The following MDFIC2 variants were observed in gnomAD, a reference collection of about 807,000 sequenced individuals.
MDFIC2 encodes MyoD family inhibitor domain containing 2.
chr3:70,286,547 T>G (rs958826903), intron 2 of MDFIC2, among the ~76,000 whole-genome samples: 1 of 151,932 alleles, frequency 6.6e-6, no homozygotes, highest in Admixed American at 6.6e-5. Flanking sequence ...TGCGGGCTCT[T>G]TTTTGGTTCT....
chr3:70,244,778 A>G (rs1701691151), intron 2 of MDFIC2, among the ~76,000 whole-genome samples: 1 of 152,252 alleles, frequency 6.6e-6, no homozygotes, highest in South Asian at 2.1e-4. Flanking sequence ...GTGCACACAT[A>G]TATAAATACA....
chr3:70,200,228 T>G (rs1576152509), intron 3 of MDFIC2, among the ~76,000 whole-genome samples: 1 of 152,286 alleles, frequency 6.6e-6, no homozygotes, highest in Admixed American at 6.5e-5. Context: ...ACACTCTGCT[T>G]CCACATGAGC....
At chr3:70,275,441 G>A (rs9637503) in intron 2 of MDFIC2, among the ~76,000 whole-genome samples, 20,380 of 152,208 alleles carry the variant, frequency 0.13, 1,859 homozygotes, top group African/African-American at 0.26. Flanking sequence ...CTTGAGCCCA[G>A]GAGGTCAAGG....
At chr3:70,256,816 G>A (rs1204280749) in intron 2 of MDFIC2, among the ~76,000 whole-genome samples, 4 of 152,110 alleles carry the variant, frequency 2.6e-5, no homozygotes, top group Admixed American at 2.0e-4. Flanking sequence ...TACTAATACT[G>A]GAATGCAAAG....
At chr3:70,207,395 C>A (rs1701303022) in intron 2 of MDFIC2, among the ~76,000 whole-genome samples, 1 of 151,982 alleles carries the variant, frequency 6.6e-6, no homozygotes, top group African/African-American at 2.4e-5. Context: ...GGATATGCTT[C>A]TTGGGAACAT....
intron 2 of MDFIC2, among the ~76,000 whole-genome samples, chr3:70,269,365 A>G (rs1423942874): frequency 6.6e-6 from 1 of 152,176 alleles, no homozygotes; most frequent in Non-Finnish European, 1.5e-5. Flanking sequence ...ACCTGTCTGG[A>G]TACATAGACA....
intron 2 of MDFIC2, among the ~76,000 whole-genome samples, chr3:70,310,457 C>A (rs77008710): frequency 6.6e-6 from 1 of 150,556 alleles, no homozygotes; most frequent in African/African-American, 2.5e-5. Context: ...CCTCTGCCTC[C>A]CCAGTTCAAG....
chr3:70,229,127 A>T (rs62254855), intron 2 of MDFIC2, among the ~76,000 whole-genome samples: 27,882 of 152,164 alleles, frequency 0.18, 2,863 homozygotes, highest in Non-Finnish European at 0.24. Context: ...CCTCTCTTTT[A>T]TCAAAAGCAT....
At chr3:70,288,153 G>A (rs971186030) in intron 2 of MDFIC2, among the ~76,000 whole-genome samples, 1 of 141,874 alleles carries the variant, frequency 7.0e-6, no homozygotes, top group African/African-American at 2.7e-5. Flanking sequence ...GTGATGTTAG[G>A]GTGTCAATTT....
intron 2 of MDFIC2, among the ~76,000 whole-genome samples, chr3:70,295,055 C>A (rs1411918694): frequency 6.6e-6 from 1 of 152,134 alleles, no homozygotes; most frequent in Admixed American, 6.6e-5. Flanking sequence ...AATCAATGAT[C>A]TGTTGCCTAA....
chr3:70,302,315 C>T (rs1044858133), intron 2 of MDFIC2, among the ~76,000 whole-genome samples: 1 of 151,780 alleles, frequency 6.6e-6, no homozygotes, highest in Non-Finnish European at 1.5e-5. Flanking sequence ...ATTTTATTAG[C>T]GAGTATATTC....
intron 2 of MDFIC2, among the ~76,000 whole-genome samples, chr3:70,242,987 T>G (rs1171083863): frequency 1.3e-5 from 2 of 152,198 alleles, no homozygotes; most frequent in Admixed American, 6.5e-5. Flanking sequence ...AATACTAATT[T>G]CCCAAGAGCA....
intron 2 of MDFIC2, among the ~76,000 whole-genome samples, chr3:70,289,847 T>C (rs1234652265): frequency 2.3e-4 from 35 of 152,128 alleles, no homozygotes; most frequent in African/African-American, 6.7e-4. Context: ...TCCAGTTGAT[T>C]GCATCGGCTC....
intron 2 of MDFIC2, among the ~76,000 whole-genome samples, chr3:70,215,555 A>C (rs1053230553): frequency 2.6e-5 from 4 of 152,064 alleles, no homozygotes; most frequent in African/African-American, 9.7e-5. Flanking sequence ...AGCTTCCTAC[A>C]ACTGTCCCCT....
intron 2 of MDFIC2, among the ~76,000 whole-genome samples, chr3:70,257,838 G>A (rs898995194): frequency 3.9e-5 from 6 of 152,110 alleles, no homozygotes; most frequent in African/African-American, 1.4e-4. Flanking sequence ...TTTTGAAACA[G>A]AACACAACAG....
chr3:70,206,837 C>T (rs115333519), intron 2 of MDFIC2, 47 bp from the exon 3 acceptor site: 49 of 396,778 alleles, frequency 1.2e-4, no homozygotes, highest in East Asian at 1.1e-3. Flanking sequence ...CTATGGTTTA[C>T]GTGACCTAGT....
intron 2 of MDFIC2, among the ~76,000 whole-genome samples, chr3:70,228,631 CTTT>C (rs199862446): frequency 1.3e-4 from 16 of 126,950 alleles, no homozygotes; most frequent in Non-Finnish European, 1.2e-4. Flanking sequence ...AGTTTTCTTA[CTTT>C]TTTTTTTTTT....
intron 2 of MDFIC2, among the ~76,000 whole-genome samples, chr3:70,218,760 A>G (rs1397976419): frequency 6.6e-6 from 1 of 152,124 alleles, no homozygotes; most frequent in Non-Finnish European, 1.5e-5. Flanking sequence ...TAAATAGAAA[A>G]AAAAATTCTT....
intron 3 of MDFIC2, 39 bp from the exon 4 acceptor site, chr3:70,197,224 G>T: frequency 7.5e-6 from 3 of 398,266 alleles, no homozygotes; most frequent in Non-Finnish European, 1.3e-5. Flanking sequence ...TGGCACATCT[G>T]GGGGCGTCTA....
Sources: gnomAD v4.1 joint callset for allele counts (sites outside exome capture counted in the v4.1 genomes callset) on GRCh38, gnomAD v4.1.1 for gene constraint, MANE v1.5 for transcripts, NCBI Gene and HGNC (gene_info 2026-07-23, HGNC 2026-07-21) for gene names.